RPRD2: variants seen among roughly 807,000 people sequenced by gnomAD.
The protein encoded by RPRD2 is regulation of nuclear pre-mRNA domain containing 2, also known as regulation of nuclear pre-mRNA domain-containing protein 2.
RPRD2 carries 12 observed loss-of-function variants against 104.4 expected under a neutral mutation model. That is an observed-to-expected ratio of 0.11 (90% CI 0.07 to 0.19). The LOEUF is 0.19. Among genes scored for constraint, RPRD2 ranks in the 10% least tolerant of loss-of-function variants. RPRD2 has a pLI of 1.00. For synonymous variants in RPRD2, 714 were observed against 684.9 expected (o/e 1.04, Z -0.66); for missense variants, 1,543 against 1,790.1 (o/e 0.86, Z 2.49).
rs587618931 is a variant in RPRD2, at chr1:150,414,981, A to G, written c.206-2615A>G. On this transcript the variant is annotated intron_variant, in intron 1 of 10. Transcript: ENST00000369068. ...AAACTTTAAGATAGGAGAGACGTGC[A>G]TATACATATGTTGAGAGACAGCCTG... is the stretch of plus-strand genomic sequence containing the variant. Among the ~76,000 whole-genome samples, 39 of 152,322 alleles carry G rather than the reference A, an allele frequency of 2.6e-4. 1 individual carries two copies. The highest frequency in any genetic ancestry group is 3.4e-3 in the Middle Eastern group (1 of 294).
At chr1:150,470,481 AG>A in intron 10 of RPRD2, 79 bp from the exon 11 acceptor site, 14 of 1,392,570 alleles carry the variant, frequency 1.0e-5, no homozygotes, top group Non-Finnish European at 1.4e-5. Context: ...AATGAATGAG[AG>A]TATCTGATTA....
At chr1:150,401,554 T>C (rs1663009917) in intron 1 of RPRD2, among the ~76,000 whole-genome samples, 1 of 152,140 alleles carries the variant, frequency 6.6e-6, no homozygotes, top group East Asian at 1.9e-4. Context: ...CGTAGCTCAC[T>C]GCAGCCTTGA....
intron 1 of RPRD2, among the ~76,000 whole-genome samples, chr1:150,380,645 C>A (rs1271999229): frequency 6.6e-6 from 1 of 151,268 alleles, no homozygotes; most frequent in Non-Finnish European, 1.5e-5. Flanking sequence ...CCACACCCGG[C>A]TCCTATTTTA....
Position 150,472,737 on chromosome 1 carries a change from T to G in RPRD2, c.3789T>G (p.Ser1263Arg), listed in dbSNP as rs202155125. 1 of 1,612,770 alleles carries G rather than the reference T, an allele frequency of 6.2e-7. No homozygotes were observed. The highest frequency in any genetic ancestry group is 1.1e-5 in the South Asian group (1 of 91,038). ...CACCCCCTCCTCCTGGAGAGCACAG[T>G]GGAATTCCTTTCCCTACCCCACCTC... ...AAPPPPPGEHSGIPFPTPPPP... is the reference protein window; with the variant it reads ...AAPPPPPGEHRGIPFPTPPPP... Residue 1263 changes from serine to arginine, a missense_variant, in exon 11 of 11, where the codon AGT becomes AGG. By Grantham distance (110) the Ser-to-Arg change is moderately radical (BLOSUM62 -1). Coordinates refer to ENST00000369068, the MANE Select transcript of RPRD2 (RefSeq NM_015203.5).
intron 4 of RPRD2, among the ~76,000 whole-genome samples, chr1:150,442,284 A>G (rs1337966495): frequency 2.6e-5 from 4 of 152,172 alleles, no homozygotes; most frequent in Non-Finnish European, 5.9e-5. Flanking sequence ...AGGATATATG[A>G]TGTTAGAGGC....
At chr1:150,374,898 G>A (rs1260457) in intron 1 of RPRD2, among the ~76,000 whole-genome samples, 90,924 of 151,722 alleles carry the variant, frequency 0.6, 27,752 homozygotes, top group African/African-American at 0.65. Flanking sequence ...GGTCTCTTGC[G>A]TATTTTTACT....
rs587658788 is a variant in RPRD2 at position 150,452,040 on chromosome 1, G to T, written c.871-5248G>T. ...GCCTGTAATCCCAGCTACTTGGGAGGCTGAGGCAGGAGAATCGCCTGAACC... is the reference window on the plus strand; with the variant it reads ...GCCTGTAATCCCAGCTACTTGGGAGTCTGAGGCAGGAGAATCGCCTGAACC... On this transcript the variant is annotated intron_variant, in intron 7 of 10. Transcript: ENST00000369068. Among the ~76,000 whole-genome samples the T allele has an allele frequency of 3.0e-3, 450 of 151,032 alleles. 1 individual carries two copies. Among genetic ancestry groups the T allele is most frequent in the Admixed American group, 7.0e-3 (106 of 15,102 alleles).
intron 10 of RPRD2, among the ~76,000 whole-genome samples, chr1:150,465,767 C>A (rs926999264): frequency 1.3e-5 from 2 of 151,954 alleles, no homozygotes; most frequent in African/African-American, 2.4e-5. Flanking sequence ...CATTTATTAT[C>A]AAAAAATATG....
At chr1:150,464,441 T>C (rs1668134359) in intron 9 of RPRD2, 86 bp from the exon 10 acceptor site, 3 of 1,006,018 alleles carry the variant, frequency 3.0e-6, no homozygotes, top group South Asian at 1.4e-5. Flanking sequence ...CTGTTAAATA[T>C]ATCAAACTCA....
intron 10 of RPRD2, among the ~76,000 whole-genome samples, chr1:150,470,330 T>C (rs1668512198): frequency 6.6e-6 from 1 of 152,152 alleles, no homozygotes; most frequent in Non-Finnish European, 1.5e-5. Context: ...GTTGGGCTGA[T>C]TTCTGGACTG....
Position 150,411,638 on chromosome 1 carries a change from A to G in RPRD2, c.206-5958A>G, listed in dbSNP as rs1195607210. Among the ~76,000 whole-genome samples, 3 of 127,502 alleles carry G rather than the reference A, an allele frequency of 2.4e-5. 1 individual carries two copies. Among genetic ancestry groups the G allele is most frequent in the African/African-American group, 6.5e-5 (2 of 30,762 alleles). The allele number at this position is 127,502 out of a possible 152,430, so 83.6% of individuals were successfully genotyped here. ...AAACCCCGTCTCTACTGAAAATACAAAAATTAGCCAGGCGTGGTGATGCGC... is the reference window on the plus strand; with the variant it reads ...AAACCCCGTCTCTACTGAAAATACAGAAATTAGCCAGGCGTGGTGATGCGC... On this transcript the variant is annotated intron_variant, in intron 1 of 10. Transcript: ENST00000369068.
intron 1 of RPRD2, among the ~76,000 whole-genome samples, chr1:150,393,204 C>T (rs587695481): frequency 6.6e-6 from 1 of 152,054 alleles, no homozygotes; most frequent in African/African-American, 2.4e-5. Context: ...TGCGGTGGCT[C>T]ACACATGTAA....
rs1345091050 is a variant in RPRD2 at position 150,457,491 on chromosome 1, A to T, written c.1074A>T (p.Thr358=). 5.0e-6 allele frequency: 8 copies of T among 1,613,688 alleles called. No homozygotes were observed. The highest frequency in any genetic ancestry group is 6.8e-6 in the Non-Finnish European group (8 of 1,179,792). Residue 358 remains threonine (T), a synonymous_variant, in exon 8 of 11, where the codon ACA becomes ACT. Transcript: ENST00000369068. ...SPTMESEKSA[T]PEPVTDNRDV... is the part of the protein sequence containing the mutation. ...CCATGGAGAGTGAGAAATCTGCCACACCTGAACCTGTGACAGATAATCGTG... is the reference window on the plus strand; with the variant it reads ...CCATGGAGAGTGAGAAATCTGCCACTCCTGAACCTGTGACAGATAATCGTG...
intron 1 of RPRD2, among the ~76,000 whole-genome samples, chr1:150,385,545 A>C (rs1415755273): frequency 2.0e-5 from 3 of 152,218 alleles, no homozygotes; most frequent in Non-Finnish European, 4.4e-5. Flanking sequence ...AAATCAAAAT[A>C]TAAATTTACA....
intron 1 of RPRD2, among the ~76,000 whole-genome samples, chr1:150,388,655 C>T (rs1247902700): frequency 6.6e-6 from 1 of 150,692 alleles, no homozygotes; most frequent in African/African-American, 2.4e-5. Flanking sequence ...CACTCTGTCG[C>T]CCAGGCTGGA....
intron 1 of RPRD2, among the ~76,000 whole-genome samples, chr1:150,403,501 T>C (rs1284385593): frequency 6.6e-6 from 1 of 152,210 alleles, no homozygotes; most frequent in Non-Finnish European, 1.5e-5. Flanking sequence ...GTCATGGTAA[T>C]GGAATCATAT....
chr1:150,466,399 A>T lies in RPRD2; in HGVS notation c.1612+1672A>T, dbSNP rs933297213. Among the ~76,000 whole-genome samples the T allele has an allele frequency of 5.6e-4, 80 of 141,690 alleles. 1 individual carries two copies. Among genetic ancestry groups the T allele is most frequent in the African/African-American group, 2.2e-3 (80 of 36,914 alleles). The allele number at this position is 141,690 out of a possible 152,430, so 93.0% of individuals were successfully genotyped here. On this transcript the variant is annotated intron_variant, in intron 10 of 10. Transcript: ENST00000369068. ...TCTCAAAAAAAAAAAAAAAAAAAAA[A>T]TTAGCTGGGCATAGTGGTGCATGCC...
intron 2 of RPRD2, among the ~76,000 whole-genome samples, chr1:150,434,769 A>AC (rs1665881316): frequency 1.3e-5 from 2 of 152,326 alleles, no homozygotes; most frequent in African/African-American, 4.8e-5. Flanking sequence ...GTGAGCCAGG[A>AC]TCACGCCACT....
chr1:150,389,555 A>G (rs1342986642), intron 1 of RPRD2, among the ~76,000 whole-genome samples: 1 of 152,180 alleles, frequency 6.6e-6, no homozygotes, highest in African/African-American at 2.4e-5. Context: ...ACCGCTAATG[A>G]TACTAACCTT....
Sources: allele counts gnomAD v4.1 joint callset (sites outside exome capture counted in the v4.1 genomes callset), GRCh38; gene constraint gnomAD v4.1.1; transcripts MANE v1.5; gene names NCBI Gene and HGNC (gene_info 2026-07-23, HGNC 2026-07-21).